Variants in TACC2 observed in about 807,000 individuals in gnomAD.
TACC2 encodes the protein transforming acidic coiled-coil-containing protein 2.
A neutral mutation model predicts 227.3 loss-of-function variants in TACC2; 137 were observed. The ratio of observed to expected loss-of-function variants is 0.60; its 90% CI spans 0.52 to 0.69. The LOEUF (loss-of-function observed/expected upper bound fraction) is 0.69, where lower values mean the gene tolerates loss of function less well. Among genes scored for constraint, TACC2 ranks in the 30% least tolerant of loss-of-function variants. The pLI is 0.00. For synonymous variants in TACC2, 1,523 were observed against 1,487.5 expected (o/e 1.02, Z -0.55); for missense variants, 3,470 against 3,694.4 (o/e 0.94, Z 1.57).
intron 5 of TACC2, among the ~76,000 whole-genome samples, chr10:122,090,546 C>CAAAAAAAAAAAAAAA (rs1188822419): frequency 2.4e-5 from 1 of 41,112 alleles, no homozygotes; most frequent in Non-Finnish European, 5.1e-5. Flanking sequence ...GACTCTATCT[C>CAAAAAAAAAAAAAAA]AAAAAAAAAA....
chr10:122,071,412 G>A (rs2078036593), intron 3 of TACC2, among the ~76,000 whole-genome samples: 1 of 152,042 alleles, frequency 6.6e-6, no homozygotes, highest in South Asian at 2.1e-4. Flanking sequence ...CACAAAATGG[G>A]GTCATTCTGT....
chr10:122,115,293 T>A (rs61871538), intron 5 of TACC2, among the ~76,000 whole-genome samples: 1 of 55,178 alleles, frequency 1.8e-5, no homozygotes, highest in Non-Finnish European at 6.0e-5. Flanking sequence ...TGTGTGTGTG[T>A]GTGTGTGTGT....
At chr10:122,236,573 A>G (rs993923675) in intron 16 of TACC2, among the ~76,000 whole-genome samples, 11 of 93,682 alleles carry the variant, frequency 1.2e-4, no homozygotes, top group African/African-American at 5.3e-4. Context: ...GCAAAGGGAA[A>G]AAGAATAACC....
intron 6 of TACC2, among the ~76,000 whole-genome samples, chr10:122,134,554 C>T (rs917683108): frequency 2.0e-5 from 3 of 152,190 alleles, no homozygotes; most frequent in Non-Finnish European, 2.9e-5. Context: ...CGAAGGCCCC[C>T]AACCCTCAAG....
At chr10:122,225,015 C>A (rs181022384) in intron 12 of TACC2, among the ~76,000 whole-genome samples, 1 of 150,484 alleles carries the variant, frequency 6.6e-6, no homozygotes, top group Non-Finnish European at 1.5e-5. Flanking sequence ...TACAATTAGA[C>A]GTCCTGCAGA....
At chr10:122,176,435 G>T (rs1341155877) in intron 7 of TACC2, among the ~76,000 whole-genome samples, 1 of 152,122 alleles carries the variant, frequency 6.6e-6, no homozygotes, top group African/African-American at 2.4e-5. Context: ...CAGTGGTTTT[G>T]TGCATCAGAG....
intron 2 of TACC2, among the ~76,000 whole-genome samples, chr10:122,030,274 AC>A (rs1298665534): frequency 1.3e-5 from 2 of 152,180 alleles, no homozygotes; most frequent in African/African-American, 4.8e-5. Flanking sequence ...CATTACTTTC[AC>A]GAAATCCCAC....
chr10:122,057,603 G>T (rs936430467), intron 3 of TACC2, among the ~76,000 whole-genome samples: 1 of 151,992 alleles, frequency 6.6e-6, no homozygotes, highest in Admixed American at 6.6e-5. Context: ...GGGAGTTCGA[G>T]ACCAGCCTGA....
chr10:122,117,108 ACAT>A (rs1042895120), intron 5 of TACC2, among the ~76,000 whole-genome samples: 11 of 152,022 alleles, frequency 7.2e-5, no homozygotes, highest in Admixed American at 6.5e-4. Context: ...CATGCTCACA[ACAT>A]TAAATCAAGT....
chr10:122,211,842 G>A, intron 9 of TACC2, 134 bp downstream of exon 9: 1 of 681,902 alleles, frequency 1.5e-6, no homozygotes, highest in Non-Finnish European at 2.3e-6. Context: ...CACGCTTACG[G>A]CCGTTGCACC....
At chr10:122,188,687 T>G (rs2094301552) in intron 7 of TACC2, among the ~76,000 whole-genome samples, 1 of 152,222 alleles carries the variant, frequency 6.6e-6, no homozygotes, top group Non-Finnish European at 1.5e-5. Flanking sequence ...CAATCTGCAG[T>G]GCTCTTTCCA....
Position 122,194,747 on chromosome 10 carries a change from G to A in TACC2, c.5835-293G>A, listed in dbSNP as rs953974961. ...TGAATCAATACCTAATAATGAACGC[G>A]TGCGGAAGTTCATCCAGAGTCCGCT... On this transcript the variant is annotated intron_variant, in intron 7 of 22. Transcript: ENST00000369005. This position sits in a 1 kb window ranked among gnomAD's most constrained non-coding sequence, Gnocchi z 4.4. 1.3e-5 allele frequency among the ~76,000 whole-genome samples: 2 copies of A among 152,274 alleles called. No homozygotes were observed. The highest frequency in any genetic ancestry group is 2.1e-4 in the South Asian group (1 of 4,808).
At position 122,132,411 on chromosome 10, in the gene TACC2, G is replaced by C. The variant is rs547559961; in HGVS notation, c.5574-198G>C. ...AAATACAAAAAAATTAGCTGGCTGT[G>C]GTGGCGGGGCGCCTGTAATCGCAGC... On this transcript the variant is annotated intron_variant, in intron 5 of 22. Transcript: ENST00000369005. Among the ~76,000 whole-genome samples the C allele has an allele frequency of 6.4e-4, 97 of 152,334 alleles. 1 individual carries two copies. Among genetic ancestry groups the C allele is most frequent in the African/African-American group, 2.3e-3 (94 of 41,580 alleles).
intron 16 of TACC2, among the ~76,000 whole-genome samples, chr10:122,235,781 C>T (rs2095846758): frequency 6.6e-6 from 1 of 152,138 alleles, no homozygotes; most frequent in Non-Finnish European, 1.5e-5. Context: ...AGTATATATT[C>T]TGGTCAAGCG....
chr10:122,184,111 A>G (rs1190287878), intron 7 of TACC2, among the ~76,000 whole-genome samples: 1 of 152,160 alleles, frequency 6.6e-6, no homozygotes, highest in Admixed American at 6.5e-5. Context: ...GGTTATTCCC[A>G]TTCCTGACAC....
chr10:122,153,288 C>T (rs1487966160), intron 7 of TACC2, among the ~76,000 whole-genome samples: 3 of 152,198 alleles, frequency 2.0e-5, no homozygotes, highest in African/African-American at 7.2e-5. Context: ...TAGCGCCTGG[C>T]CCGATATGTA....
intron 5 of TACC2, among the ~76,000 whole-genome samples, chr10:122,104,607 C>A (rs2082539308): frequency 6.6e-6 from 1 of 152,172 alleles, no homozygotes; most frequent in South Asian, 2.1e-4. Context: ...CTGACTCCAA[C>A]TGATCCTCCT....
chr10:122,020,312 TTGTGTGTGTGTG>T (rs10556316), intron 1 of TACC2, among the ~76,000 whole-genome samples: 3 of 150,444 alleles, frequency 2.0e-5, no homozygotes, highest in African/African-American at 7.3e-5. Flanking sequence ...GAGCATGTGA[TTGTGTGTGTGTG>T]TGTGTGTGTG....
At chr10:122,142,450 G>A (rs1248677232) in intron 6 of TACC2, among the ~76,000 whole-genome samples, 1 of 152,212 alleles carries the variant, frequency 6.6e-6, no homozygotes, top group African/African-American at 2.4e-5. Flanking sequence ...CCAGACTTAT[G>A]GGCAAGACTG....
Sources: allele counts gnomAD v4.1 joint callset (sites outside exome capture counted in the v4.1 genomes callset), GRCh38; gene constraint gnomAD v4.1.1; non-coding constraint Gnocchi (gnomAD v3.1); transcripts MANE v1.5; gene names NCBI Gene and HGNC (gene_info 2026-07-23, HGNC 2026-07-21).